ATXN7: variants seen among roughly 807,000 people sequenced by gnomAD.
The protein encoded by ATXN7 is ataxin 7, also known as ataxin-7.
ATXN7 carries 12 observed loss-of-function variants against 70.5 expected under a neutral mutation model. The ratio of observed to expected loss-of-function variants is 0.17; its 90% CI spans 0.11 to 0.28. The LOEUF (loss-of-function observed/expected upper bound fraction) is 0.28. Ranked by LOEUF, ATXN7 falls within the 10% of genes least tolerant of loss-of-function variation. The probability of loss-of-function intolerance (pLI) is 1.00; values close to 1 mark genes in which losing one functional copy is unlikely to be tolerated. For missense variants in ATXN7, 1,256 were observed against 1,131.7 expected (o/e 1.11, Z -1.58); for synonymous variants, 498 against 448.7 (o/e 1.11, Z -1.39).
chr3:63,868,438 G>C (rs1702499346), intron 1 of ATXN7, among the ~76,000 whole-genome samples: 1 of 152,188 alleles, frequency 6.6e-6, no homozygotes. Flanking sequence ...TACAAGCCAG[G>C]TTTGGGGAAC....
chr3:63,999,394 G>C, intron 12 of ATXN7, 56 bp from the exon 13 acceptor site: 1 of 1,390,388 alleles, frequency 7.2e-7, no homozygotes, highest in Non-Finnish European at 1.0e-6. Context: ...ATAGAGTGCA[G>C]TGTACAAACG....
At chr3:63,988,554 C>A in intron 9 of ATXN7, 1 of 538,010 alleles carries the variant, frequency 1.9e-6, no homozygotes, top group Non-Finnish European at 3.2e-6. Flanking sequence ...CTAGAGTTAT[C>A]TGCTCTATAC....
intron 1 of ATXN7, among the ~76,000 whole-genome samples, chr3:63,891,997 A>G (rs1413803835): frequency 6.6e-6 from 1 of 152,204 alleles, no homozygotes; most frequent in Non-Finnish European, 1.5e-5. Context: ...TATCTGTTAC[A>G]GACCTGCATT....
chr3:63,896,110 T>G lies in ATXN7; in HGVS notation c.-110-2289T>G, dbSNP rs572753352. On this transcript the variant is annotated intron_variant, in intron 1 of 12. Coordinates refer to ENST00000674280, the MANE Select transcript of ATXN7 (RefSeq NM_001377405.1). ...AGTACAAGTATGACTTGGCATGGAG[T>G]TGAGAATTACTTAGTGCTTAGAAAA... Among the ~76,000 whole-genome samples, 11 of 151,986 alleles carry G rather than the reference T, an allele frequency of 7.2e-5. No homozygotes were observed. In the South Asian group the frequency reaches 2.3e-3, roughly 32 times the overall value.
At chr3:63,920,155 A>G (rs1288040513) in intron 4 of ATXN7, among the ~76,000 whole-genome samples, 1 of 152,094 alleles carries the variant, frequency 6.6e-6, no homozygotes, top group Non-Finnish European at 1.5e-5. Context: ...GGCACAATCC[A>G]TGCTGAATTT....
At chr3:63,978,890 A>G (rs2075436074) in intron 5 of ATXN7, among the ~76,000 whole-genome samples, 1 of 152,242 alleles carries the variant, frequency 6.6e-6, no homozygotes, top group African/African-American at 2.4e-5. Context: ...ACTTGTGGTC[A>G]TTGATCATCA....
At chr3:63,968,922 TTTAAATATGAAAA>T (rs2075269123) in intron 5 of ATXN7, among the ~76,000 whole-genome samples, 2 of 152,244 alleles carry the variant, frequency 1.3e-5, no homozygotes, top group East Asian at 3.8e-4. Flanking sequence ...GTTGTAGGAC[TTTAAATATGAAAA>T]GATCTTAAAC....
chr3:63,914,749 G>T (rs1704192313), intron 4 of ATXN7, among the ~76,000 whole-genome samples: 1 of 152,180 alleles, frequency 6.6e-6, no homozygotes, highest in Admixed American at 6.5e-5. Flanking sequence ...TAATGTTTCA[G>T]TGGGTACCTT....
At chr3:63,936,740 G>T (rs1470496833) in intron 4 of ATXN7, among the ~76,000 whole-genome samples, 1 of 152,094 alleles carries the variant, frequency 6.6e-6, no homozygotes. Context: ...GTAAATATTT[G>T]TTGATGGATT....
At chr3:63,961,674 T>G (rs1413793489) in intron 5 of ATXN7, among the ~76,000 whole-genome samples, 2 of 152,016 alleles carry the variant, frequency 1.3e-5, no homozygotes, top group East Asian at 1.9e-4. Context: ...ATTTATACCT[T>G]AATAAAGTAG....
intron 4 of ATXN7, among the ~76,000 whole-genome samples, chr3:63,934,469 G>T (rs759076431): frequency 1.3e-5 from 2 of 152,114 alleles, no homozygotes; most frequent in African/African-American, 4.8e-5. Context: ...TTGAATAGGG[G>T]TGGGGCACTA....
chr3:63,912,951 T>TGGG, intron 3 of ATXN7, 28 bp downstream of exon 3: 2 of 1,368,886 alleles, frequency 1.5e-6, no homozygotes, highest in Non-Finnish European at 9.8e-7. Flanking sequence ...CCTCCCCCCT[T>TGGG]CACCCCCTCG....
intron 2 of ATXN7, among the ~76,000 whole-genome samples, chr3:63,910,770 C>T (rs1443811156): frequency 3.9e-5 from 6 of 152,084 alleles, no homozygotes; most frequent in Non-Finnish European, 7.4e-5. Flanking sequence ...GACTTGTTTG[C>T]ACGCAATCCA....
At chr3:63,894,441 G>A (rs1390079148) in intron 1 of ATXN7, among the ~76,000 whole-genome samples, 1 of 152,228 alleles carries the variant, frequency 6.6e-6, no homozygotes, top group African/African-American at 2.4e-5. Context: ...AAAATGCACA[G>A]CCTAGGAGTT....
intron 1 of ATXN7, among the ~76,000 whole-genome samples, chr3:63,866,561 G>A (rs750475165): frequency 2.0e-5 from 3 of 152,136 alleles, no homozygotes; most frequent in Non-Finnish European, 4.4e-5. Context: ...CAGCCTGAAA[G>A]TTCTTGACTC....
chr3:63,885,860 A>G (rs1287885355), intron 1 of ATXN7, among the ~76,000 whole-genome samples: 1 of 152,126 alleles, frequency 6.6e-6, no homozygotes, highest in Non-Finnish European at 1.5e-5. Context: ...TACTAAAAAT[A>G]CAAAAAATTA....
chr3:63,892,373 A>ACC (rs1491164328), intron 1 of ATXN7, among the ~76,000 whole-genome samples: 2 of 85,244 alleles, frequency 2.3e-5, no homozygotes, highest in African/African-American at 8.6e-5. Context: ...AGACACCTCT[A>ACC]CCACACACAC....
At position 64,000,453 on chromosome 3, in the gene ATXN7, GAC is replaced by G. The variant is rs1280745703; in HGVS notation, c.*988_*989del. 1.2e-4 allele frequency: 19 copies of G among 152,570 alleles called. No individual in the cohort carries two copies. The highest frequency in any genetic ancestry group is 4.6e-4 in the African/African-American group (19 of 41,412). 9.5% of individuals were successfully genotyped at this position (152,570 alleles called of 1,614,324 possible). A position where few individuals can be genotyped will look rare whatever the true frequency, so the allele number is the denominator to read the frequency against. On this transcript the variant is annotated 3_prime_UTR_variant, in exon 13 of 13. Coordinates refer to ENST00000674280, the MANE Select transcript of ATXN7 (RefSeq NM_001377405.1). ...ATTTTTAAAAGTCACCTTTTAAAGT[GAC>G]ATTATTAGATACACTTAAATGTTTC...
intron 11 of ATXN7, among the ~76,000 whole-genome samples, chr3:63,993,215 C>T (rs914523238): frequency 6.6e-6 from 1 of 151,492 alleles, no homozygotes; most frequent in Non-Finnish European, 1.5e-5. Flanking sequence ...TGATTTGGGA[C>T]CAGTATCCCA....
Sources: allele counts gnomAD v4.1 joint callset (sites outside exome capture counted in the v4.1 genomes callset), GRCh38; gene constraint gnomAD v4.1.1; transcripts MANE v1.5; gene names NCBI Gene and HGNC (gene_info 2026-07-23, HGNC 2026-07-21).